Variants in WASF3 observed in about 807,000 individuals in gnomAD.
The protein encoded by WASF3 is WASP family member 3, also known as actin-binding protein WASF3.
A neutral mutation model predicts 46.6 loss-of-function variants in WASF3; 11 were observed. The ratio of observed to expected loss-of-function variants is 0.24; its 90% confidence interval spans 0.15 to 0.39. The LOEUF (loss-of-function observed/expected upper bound fraction) is 0.39. Among genes scored for constraint, WASF3 ranks in the 10% least tolerant of loss-of-function variants. The pLI is 1.00. For synonymous variants in WASF3, 242 were observed against 259.7 expected (o/e 0.93, Z 0.65); for missense variants, 576 against 669.8 (o/e 0.86, Z 1.55).
At chr13:26,574,515 T>A (rs1288512694) in intron 1 of WASF3, among the ~76,000 whole-genome samples, 2 of 152,176 alleles carry the variant, frequency 1.3e-5, no homozygotes. Flanking sequence ...TTTGTTCCTT[T>A]ATTTTTAGCC....
intron 3 of WASF3, among the ~76,000 whole-genome samples, chr13:26,656,951 G>A (rs543069885): frequency 6.6e-6 from 1 of 152,194 alleles, no homozygotes; most frequent in South Asian, 2.1e-4. Context: ...CCCCAAACCT[G>A]ATACTCATTC....
intron 1 of WASF3, among the ~76,000 whole-genome samples, chr13:26,589,497 G>C (rs1284815781): frequency 6.6e-6 from 1 of 152,182 alleles, no homozygotes; most frequent in Non-Finnish European, 1.5e-5. Flanking sequence ...GTCTTACTGA[G>C]GTTTAGTGAT....
At chr13:26,631,804 G>A (rs1329196806) in intron 2 of WASF3, among the ~76,000 whole-genome samples, 1 of 152,178 alleles carries the variant, frequency 6.6e-6, no homozygotes, top group Non-Finnish European at 1.5e-5. Flanking sequence ...CTATCCATGA[G>A]CATGGAATGT....
At position 26,578,873 on chromosome 13, in the gene WASF3, A is replaced by G. The variant is rs1004042889; in HGVS notation, c.-109+21054A>G. 2.0e-5 allele frequency among the ~76,000 whole-genome samples: 3 copies of G among 151,084 alleles called. No individual in the cohort carries two copies. In the East Asian group the frequency reaches 5.9e-4, roughly 30 times the overall value. ...AACAAATCAACAGTCATGAATGGATATTGGATTTTGGGAAATGCTTTTTCT... is the reference window on the plus strand; with the variant it reads ...AACAAATCAACAGTCATGAATGGATGTTGGATTTTGGGAAATGCTTTTTCT... On this transcript the variant is annotated intron_variant, in intron 1 of 9. Coordinates refer to ENST00000335327, the MANE Select transcript of WASF3 (RefSeq NM_006646.6).
chr13:26,551,368 A>T, the WASF3 span, among the ~76,000 whole-genome samples: 1 of 152,160 alleles, frequency 6.6e-6, no homozygotes, highest in South Asian at 2.1e-4. Flanking sequence ...CACCATGGGA[A>T]TATCTAAGTC....
intron 1 of WASF3, among the ~76,000 whole-genome samples, chr13:26,599,981 T>A (rs1322724026): frequency 6.6e-6 from 1 of 152,244 alleles, no homozygotes; most frequent in Non-Finnish European, 1.5e-5. Context: ...AGTATTCAGT[T>A]ACTCTCTGAA....
intron 2 of WASF3, among the ~76,000 whole-genome samples, chr13:26,620,232 C>T (rs146080172): frequency 8.5e-5 from 13 of 152,056 alleles, no homozygotes; most frequent in Non-Finnish European, 1.8e-4. Context: ...CAAAGCATCT[C>T]GGAGGTTCCT....
At chr13:26,656,972 T>G (rs887092838) in intron 3 of WASF3, among the ~76,000 whole-genome samples, 2 of 152,200 alleles carry the variant, frequency 1.3e-5, no homozygotes, top group Admixed American at 1.3e-4. Context: ...CTTATGACTA[T>G]GACAACTGTG....
At chr13:26,668,567 GGGCCCTTT>G (rs1265509700) in intron 5 of WASF3, among the ~76,000 whole-genome samples, 1 of 152,220 alleles carries the variant, frequency 6.6e-6, no homozygotes, top group Non-Finnish European at 1.5e-5. Flanking sequence ...CTACCCTCAG[GGGCCCTTT>G]GGCCCATCTC....
At chr13:26,587,704 G>A (rs569638182) in intron 1 of WASF3, among the ~76,000 whole-genome samples, 57 of 152,274 alleles carry the variant, frequency 3.7e-4, no homozygotes, top group African/African-American at 1.3e-3. Context: ...CAATCAAGGG[G>A]GTGGTAATTC....
chr13:26,636,909 TAGG>T lies in WASF3; in HGVS notation c.-10-5346_-10-5344del, dbSNP rs555398504. On this transcript the variant is annotated intron_variant, in intron 2 of 9. Coordinates refer to ENST00000335327, the MANE Select transcript of WASF3 (RefSeq NM_006646.6). ...AAGATATAACAAATTGTCTTTTCCT[TAGG>T]AGGAGATACCCAGCATGCCTCTGAG... 3.3e-5 allele frequency among the ~76,000 whole-genome samples: 5 copies of T among 152,264 alleles called. No individual in the cohort carries two copies. In the South Asian group the frequency reaches 8.3e-4, roughly 25 times the overall value.
rs554735748 is a variant in WASF3 at position 26,587,273 on chromosome 13, G to T, written c.-108-25688G>T. Among the ~76,000 whole-genome samples the T allele has an allele frequency of 7.2e-3, 1,000 of 138,524 alleles. 17 individuals carry two copies. The highest frequency in any genetic ancestry group is 0.025 in the African/African-American group (953 of 37,846). The allele number at this position is 138,524 out of a possible 152,430, so 90.9% of individuals were successfully genotyped here. ...ACTGAATTAGAGTTCCCTAAACTCT[G>T]TTTTTTTTTTTTGAAAATTCAATTC... is the stretch of plus-strand genomic sequence containing the variant. On this transcript the variant is annotated intron_variant, in intron 1 of 9. Transcript: ENST00000335327.
At chr13:26,569,502 T>C (rs1436674905) in intron 1 of WASF3, among the ~76,000 whole-genome samples, 1 of 152,192 alleles carries the variant, frequency 6.6e-6, no homozygotes, top group Non-Finnish European at 1.5e-5. Context: ...TTACAAAATA[T>C]GTTGATTAGA....
At chr13:26,633,196 A>ATT (rs1881705978) in intron 2 of WASF3, among the ~76,000 whole-genome samples, 1 of 22,170 alleles carries the variant, frequency 4.5e-5, no homozygotes, top group Non-Finnish European at 9.6e-5. Flanking sequence ...GATCTTAGTT[A>ATT]TTTCTTTTTT....
chr13:26,662,045 G>C (rs565729513), intron 3 of WASF3, among the ~76,000 whole-genome samples: 1 of 152,338 alleles, frequency 6.6e-6, no homozygotes, highest in South Asian at 2.1e-4. Flanking sequence ...GGAAGTGGGA[G>C]AGTGTGGGGC....
At chr13:26,669,156 A>ATG (rs967442762) in intron 5 of WASF3, among the ~76,000 whole-genome samples, 94 of 147,152 alleles carry the variant, frequency 6.4e-4, no homozygotes, top group East Asian at 2.0e-3. Flanking sequence ...TCACATATAT[A>ATG]TGTGTGTGTG....
At chr13:26,543,824 C>A in the WASF3 span, among the ~76,000 whole-genome samples, 1 of 152,142 alleles carries the variant, frequency 6.6e-6, no homozygotes. Context: ...CATTGGCAAT[C>A]GAGTGGAAAA....
At position 26,596,264 on chromosome 13, in the gene WASF3, T is replaced by A. The variant is rs186783211; in HGVS notation, c.-108-16697T>A. On this transcript the variant is annotated intron_variant, in intron 1 of 9. Transcript: ENST00000335327. ...TTGACCATCTTTTCTTCTGCTTATTTGCCGTCTGTATATCCTCTTTGGTGA... is the reference window on the plus strand; with the variant it reads ...TTGACCATCTTTTCTTCTGCTTATTAGCCGTCTGTATATCCTCTTTGGTGA... 1.7e-3 allele frequency among the ~76,000 whole-genome samples: 260 copies of A among 152,256 alleles called. 2 individuals carry two copies. The highest frequency in any genetic ancestry group is 6.0e-3 in the African/African-American group (249 of 41,554).
the WASF3 span, among the ~76,000 whole-genome samples, chr13:26,552,565 T>A: frequency 1.3e-5 from 2 of 152,238 alleles, no homozygotes; most frequent in Non-Finnish European, 2.9e-5. Flanking sequence ...AAGATTTATA[T>A]ATGGAGCTAA....
Sources: gnomAD v4.1 joint callset for allele counts (sites outside exome capture counted in the v4.1 genomes callset) on GRCh38, gnomAD v4.1.1 for gene constraint, MANE v1.5 for transcripts, NCBI Gene and HGNC (gene_info 2026-07-23, HGNC 2026-07-21) for gene names.